MTHFD2L: variants seen among roughly 807,000 people sequenced by gnomAD.
The protein encoded by MTHFD2L is bifunctional methylenetetrahydrofolate dehydrogenase/cyclohydrolase 2, mitochondrial.
MTHFD2L carries 29 observed loss-of-function variants against 34.9 expected under a neutral mutation model. The observed-to-expected ratio is 0.83, with a 90% CI of 0.62 to 1.13. MTHFD2L has a LOEUF of 1.13. MTHFD2L is among the 50% of genes most tolerant of loss of function. MTHFD2L has a pLI of 0.00. For missense variants in MTHFD2L, 481 were observed against 446.5 expected (o/e 1.08, Z -0.70); for synonymous variants, 167 against 155.7 (o/e 1.07, Z -0.54).
intron 3 of MTHFD2L, among the ~76,000 whole-genome samples, chr4:74,189,097 G>T (rs1343564845): frequency 6.6e-6 from 1 of 151,972 alleles, no homozygotes; most frequent in East Asian, 1.9e-4. Flanking sequence ...AGATCAAGGC[G>T]ATAACTTTTG....
intron 2 of MTHFD2L, among the ~76,000 whole-genome samples, chr4:74,117,012 T>C (rs891146663): frequency 1.3e-5 from 2 of 152,258 alleles, no homozygotes; most frequent in African/African-American, 4.8e-5. Flanking sequence ...TGGGAAATGT[T>C]TGGCAATAGC....
intron 1 of MTHFD2L, chr4:74,140,635 A>G: frequency 1.4e-6 from 1 of 714,356 alleles, no homozygotes; most frequent in Non-Finnish European, 1.7e-6. Flanking sequence ...GACATACCAG[A>G]GACTGGGTAA....
chr4:74,146,527 C>G (rs1723605054), intron 1 of MTHFD2L, among the ~76,000 whole-genome samples: 1 of 152,146 alleles, frequency 6.6e-6, no homozygotes, highest in South Asian at 2.1e-4. Context: ...CCCCTCTTCC[C>G]AAGAACCTGG....
At chr4:74,157,703 A>G (rs757950659), upstream of MTHFD2L, 9 of 458,646 alleles carry the variant, frequency 2.0e-5, no homozygotes, top group Middle Eastern at 6.5e-4. Flanking sequence ...TGAACCTATT[A>G]CTTCTTTCCT....
At chr4:74,208,247 T>G (rs1163786557) in intron 5 of MTHFD2L, among the ~76,000 whole-genome samples, 1 of 152,232 alleles carries the variant, frequency 6.6e-6, no homozygotes, top group Non-Finnish European at 1.5e-5. Context: ...GATAGTTCTA[T>G]TCTCATTTTC....
chr4:74,208,677 A>C (rs939359980), intron 5 of MTHFD2L, among the ~76,000 whole-genome samples: 1 of 152,166 alleles, frequency 6.6e-6, no homozygotes, highest in Non-Finnish European at 1.5e-5. Context: ...ACAGGCCCAA[A>C]TCTCACCAAC....
At chr4:74,171,772 C>G (rs896637564) in intron 1 of MTHFD2L, among the ~76,000 whole-genome samples, 1 of 152,142 alleles carries the variant, frequency 6.6e-6, no homozygotes, top group Admixed American at 6.6e-5. Context: ...CACTGAACTG[C>G]AGCCTGGGTG....
rs1218002937 is a variant in MTHFD2L at position 74,180,555 on chromosome 4, C to T, written c.451+5152C>T. The T allele has an allele frequency of 1.7e-5, 3 of 181,440 alleles. No individual in the cohort carries two copies. The East Asian group carries it at 5.0e-4, about 30-fold the overall frequency. 11.2% of individuals were successfully genotyped at this position (181,440 alleles called of 1,614,324 possible). A position where few individuals can be genotyped will look rare whatever the true frequency, so the allele number is the denominator to read the frequency against. ...ATTCTAATGTTTGAAGACAGGTTTG[C>T]ATAAGAATTAAACAGAATGTGCAGG... is the stretch of plus-strand genomic sequence containing the variant. On this transcript the variant is annotated intron_variant, in intron 3 of 7. Transcript: ENST00000325278.
chr4:74,225,452 T>C, intron 6 of MTHFD2L, 58 bp downstream of exon 6: 1 of 1,376,324 alleles, frequency 7.3e-7, no homozygotes, highest in African/African-American at 1.4e-5. Flanking sequence ...ATTCCTGCCC[T>C]AAATGCTGAC....
At position 74,126,867 on chromosome 4, in the gene MTHFD2L, T is replaced by C. The variant is rs1215114837; in HGVS notation, c.-297+1350T>C. 2.2e-4 allele frequency among the ~76,000 whole-genome samples: 34 copies of C among 152,236 alleles called. 1 individual carries two copies. Among genetic ancestry groups the C allele is most frequent in the East Asian group, 1.9e-4 (1 of 5,184 alleles). On this transcript the variant is annotated intron_variant, in intron 1 of 7. Coordinates refer to the MTHFD2L transcript ENST00000433372. ...ATGATATGGTTTGGCTGTTTCCCCA[T>C]CCAAATCTCATCTTGAATTTCAGTT...
At chr4:74,190,112 A>G (rs1428702277) in intron 3 of MTHFD2L, among the ~76,000 whole-genome samples, 4 of 152,322 alleles carry the variant, frequency 2.6e-5, no homozygotes, top group East Asian at 3.9e-4. Context: ...TCCCAAAAAA[A>G]CATCTTTTCT....
intron 2 of MTHFD2L, among the ~76,000 whole-genome samples, chr4:74,116,982 T>C (rs1721665191): frequency 6.6e-6 from 1 of 152,274 alleles, no homozygotes; most frequent in South Asian, 2.1e-4. Context: ...CTTTTGTAGA[T>C]GCTGAAAGCA....
chr4:74,241,872 C>T (rs1449680017), intron 6 of MTHFD2L: 1 of 162,258 alleles, frequency 6.2e-6, no homozygotes, highest in Admixed American at 6.3e-5. Flanking sequence ...GGCAATCTCA[C>T]ATGTTCTTTG....
chr4:74,262,359 T>C (rs1744784382), intron 6 of MTHFD2L, among the ~76,000 whole-genome samples: 1 of 151,800 alleles, frequency 6.6e-6, no homozygotes, highest in African/African-American at 2.4e-5. Flanking sequence ...CACACAAATA[T>C]ACAGACAAAT....
At chr4:74,279,188 A>T (rs1747101262) in intron 6 of MTHFD2L, among the ~76,000 whole-genome samples, 1 of 152,114 alleles carries the variant, frequency 6.6e-6, no homozygotes, top group African/African-American at 2.4e-5. Flanking sequence ...TAATTAGTTC[A>T]TATGGCTCCT....
At chr4:74,193,429 T>C (rs1359827599) in intron 3 of MTHFD2L, among the ~76,000 whole-genome samples, 1 of 152,188 alleles carries the variant, frequency 6.6e-6, no homozygotes, top group African/African-American at 2.4e-5. Context: ...TTGGATATTC[T>C]AAGTCCTTTA....
chr4:74,147,088 CTGT>C (rs1248337830), intron 1 of MTHFD2L, among the ~76,000 whole-genome samples: 1 of 152,034 alleles, frequency 6.6e-6, no homozygotes, highest in East Asian at 1.9e-4. Flanking sequence ...TCCCTGTTTG[CTGT>C]TGTTTCTTGT....
chr4:74,182,767 A>C (rs1730439979), intron 3 of MTHFD2L: 1 of 152,168 alleles, frequency 6.6e-6, no homozygotes, highest in Non-Finnish European at 1.5e-5. Context: ...TTGTAAAAGG[A>C]AGAGACATTT....
intron 1 of MTHFD2L, among the ~76,000 whole-genome samples, chr4:74,170,601 T>TAA (rs1727711489): frequency 6.6e-6 from 1 of 151,872 alleles, no homozygotes; most frequent in Non-Finnish European, 1.5e-5. Flanking sequence ...TGGAGTACAT[T>TAA]AAAATTAAGA....
Sources: gnomAD v4.1 joint callset for allele counts (sites outside exome capture counted in the v4.1 genomes callset) on GRCh38, gnomAD v4.1.1 for gene constraint, MANE v1.5 for transcripts, NCBI Gene and HGNC (gene_info 2026-07-23, HGNC 2026-07-21) for gene names.